SERPINB11: variants seen among roughly 807,000 people sequenced by gnomAD.
The protein encoded by SERPINB11 is serpin B11.
In SERPINB11, 32 loss-of-function variants were observed where a neutral mutation model predicts 36.7. The ratio of observed to expected loss-of-function variants is 0.87; its 90% CI spans 0.66 to 1.17. SERPINB11 has a LOEUF of 1.17. Ranked by LOEUF, SERPINB11 falls within the 50% of genes most tolerant of loss-of-function variation. SERPINB11 has a pLI of 0.00. For missense variants in SERPINB11, 528 were observed against 458.4 expected (o/e 1.15, Z -1.39); for synonymous variants, 174 against 168.1 (o/e 1.04, Z -0.27).
At chr18:63,712,087 T>C (rs887344836) in intron 3 of SERPINB11, among the ~76,000 whole-genome samples, 1 of 152,152 alleles carries the variant, frequency 6.6e-6, no homozygotes, top group African/African-American at 2.4e-5. Context: ...AAGCTGCAGC[T>C]TAGCAGAATT....
chr18:63,712,499 T>G, intron 3 of SERPINB11, 66 bp from the exon 4 acceptor site: 1 of 1,565,342 alleles, frequency 6.4e-7, no homozygotes, highest in Non-Finnish European at 8.8e-7. Context: ...CTCTAGATAG[T>G]TATCATTCTC....
intron 1 of SERPINB11, among the ~76,000 whole-genome samples, chr18:63,708,217 A>T (rs1914422122): frequency 6.6e-6 from 1 of 152,232 alleles, no homozygotes; most frequent in African/African-American, 2.4e-5. Context: ...TGGTCACAGT[A>T]AGGACTTTGT....
chr18:63,720,322 A>G, intron 6 of SERPINB11, 167 bp downstream of exon 6: 1 of 643,500 alleles, frequency 1.6e-6, no homozygotes, highest in Non-Finnish European at 2.6e-6. Flanking sequence ...TTAAGTGACA[A>G]TAACTTTTAT....
At chr18:63,715,176 T>C (rs919005331) in intron 4 of SERPINB11, among the ~76,000 whole-genome samples, 1 of 152,190 alleles carries the variant, frequency 6.6e-6, no homozygotes, top group African/African-American at 2.4e-5. Flanking sequence ...ATTCAGTTCA[T>C]GTTGGGGCAT....
chr18:63,708,653 AG>A (rs1179045022), intron 1 of SERPINB11, among the ~76,000 whole-genome samples: 1 of 152,168 alleles, frequency 6.6e-6, no homozygotes, highest in African/African-American at 2.4e-5. Flanking sequence ...GGACATGTTA[AG>A]TTTGAGATAT....
At chr18:63,706,362 G>A (rs2144529137) in intron 1 of SERPINB11, among the ~76,000 whole-genome samples, 1 of 152,264 alleles carries the variant, frequency 6.6e-6, no homozygotes, top group East Asian at 1.9e-4. Context: ...ATATCCCAGT[G>A]AACACATCTC....
chr18:63,702,429 A>G (rs1226166433), upstream of SERPINB11: 1 of 152,164 alleles, frequency 6.6e-6, no homozygotes, highest in Non-Finnish European at 1.5e-5. Context: ...TGTCTCCACT[A>G]AAAATACAAA....
intron 4 of SERPINB11, 32 bp from the exon 5 acceptor site, chr18:63,716,003 G>T: frequency 7.0e-7 from 1 of 1,427,386 alleles, no homozygotes; most frequent in South Asian, 1.2e-5. Context: ...CACTGCTTTT[G>T]AATTGTTGTT....
intron 6 of SERPINB11, 60 bp downstream of exon 6, chr18:63,720,215 A>G (rs1325453175): frequency 7.1e-7 from 1 of 1,417,830 alleles, no homozygotes; most frequent in Non-Finnish European, 9.7e-7. Context: ...TCATTTAAGG[A>G]CAATTTAGAA....
intron 1 of SERPINB11, among the ~76,000 whole-genome samples, chr18:63,706,793 T>C (rs1327027550): frequency 2.0e-5 from 3 of 152,142 alleles, no homozygotes; most frequent in Admixed American, 1.3e-4. Flanking sequence ...AGATCCAGGA[T>C]TGGGTAATCA....
chr18:63,713,109 G>A (rs1379915146), intron 4 of SERPINB11, among the ~76,000 whole-genome samples: 2 of 152,048 alleles, frequency 1.3e-5, no homozygotes, highest in African/African-American at 4.8e-5. Context: ...TATAACTTTG[G>A]GCAAGTCACT....
Position 63,723,483 on chromosome 18 carries a change from A to G in SERPINB11, c.*84A>G. 1 of 1,226,838 alleles carries G rather than the reference A, an allele frequency of 8.2e-7. No individual in the cohort carries two copies. The highest frequency in any genetic ancestry group is 1.5e-5 in the South Asian group (1 of 64,724). The allele number at this position is 1,226,838 out of a possible 1,614,324, so 76.0% of individuals were successfully genotyped here. On this transcript the variant is annotated 3_prime_UTR_variant, in exon 8 of 8. Coordinates refer to ENST00000544088, the MANE Select transcript of SERPINB11 (RefSeq NM_001370475.1). ...CTTTCCCACGGCCAAAAAGCTGTTC[A>G]CACCTCACACACCTCTGTGCCTCAG... is the stretch of plus-strand genomic sequence containing the variant.
At chr18:63,722,121 G>A (rs920544336) in intron 7 of SERPINB11, among the ~76,000 whole-genome samples, 1 of 152,208 alleles carries the variant, frequency 6.6e-6, no homozygotes, top group African/African-American at 2.4e-5. Flanking sequence ...AAATGCCTTA[G>A]AAGCAAGGCA....
intron 2 of SERPINB11, among the ~76,000 whole-genome samples, chr18:63,710,948 C>T (rs79451247): frequency 9.1e-4 from 138 of 152,258 alleles, no homozygotes; most frequent in Non-Finnish European, 1.7e-3. Flanking sequence ...TATTATTGTT[C>T]GTGCTGGGAA....
At chr18:63,707,185 A>G (rs932117152) in intron 1 of SERPINB11, among the ~76,000 whole-genome samples, 1 of 152,246 alleles carries the variant, frequency 6.6e-6, no homozygotes, top group Non-Finnish European at 1.5e-5. Context: ...AATCTGCATT[A>G]AAGCAAGTTC....
At position 63,720,009 on chromosome 18, in the gene SERPINB11, C is replaced by T. The variant is rs754355855; in HGVS notation, c.476-4C>T. The T allele has an allele frequency of 6.5e-5, 103 of 1,588,976 alleles. No homozygotes were observed. The highest frequency in any genetic ancestry group is 8.2e-5 in the Non-Finnish European group (96 of 1,170,168). On this transcript the variant is annotated splice_region_variant and splice_polypyrimidine_tract_variant and intron_variant, in intron 5 of 7. Transcript: ENST00000544088. ...AAATATAATTATCTTATTTTTTATA[C>T]AAGGAAAAGTCGCAAATCTCTTTGG...
rs557924415 is a variant in SERPINB11 at position 63,715,113 on chromosome 18, T to C, written c.358-922T>C. Among the ~76,000 whole-genome samples, 5 of 152,328 alleles carry C rather than the reference T, an allele frequency of 3.3e-5. No individual in the cohort carries two copies. In the South Asian group the frequency reaches 8.3e-4, roughly 25 times the overall value. ...TTCCCCCAACATTAGTTAAGCTTTG[T>C]TTTTCTTCTACGCTAGGCACATCTT... On this transcript the variant is annotated intron_variant, in intron 4 of 7. Coordinates refer to ENST00000544088, the MANE Select transcript of SERPINB11 (RefSeq NM_001370475.1).
intron 5 of SERPINB11, among the ~76,000 whole-genome samples, chr18:63,719,021 C>A (rs1480375820): frequency 1.3e-5 from 2 of 151,998 alleles, no homozygotes; most frequent in Admixed American, 6.6e-5. Flanking sequence ...AGCCAGTAGA[C>A]ACTAACTCTG....
intron 7 of SERPINB11, among the ~76,000 whole-genome samples, chr18:63,722,743 G>C (rs1914846800): frequency 6.6e-6 from 1 of 152,192 alleles, no homozygotes; most frequent in Non-Finnish European, 1.5e-5. Flanking sequence ...TGTATGCTGA[G>C]GGAATTGAGG....
Sources: allele counts gnomAD v4.1 joint callset (sites outside exome capture counted in the v4.1 genomes callset), GRCh38; gene constraint gnomAD v4.1.1; transcripts MANE v1.5; gene names NCBI Gene and HGNC (gene_info 2026-07-23, HGNC 2026-07-21).